SNX29: variants seen among roughly 807,000 people sequenced by gnomAD.
The protein encoded by SNX29 is sorting nexin 29.
A neutral mutation model predicts 102.1 loss-of-function variants in SNX29; 78 were observed. That is an observed-to-expected ratio of 0.76 (90% CI 0.64 to 0.92). The LOEUF (loss-of-function observed/expected upper bound fraction) is 0.92, where lower values mean the gene tolerates loss of function less well. Among genes scored for constraint, SNX29 ranks in the 40% least tolerant of loss-of-function variants. SNX29 has a pLI of 0.00. For missense variants in SNX29, 1,280 were observed against 1,061.7 expected, an observed-to-expected ratio of 1.21 and a Z score of -2.86; for synonymous variants, 580 against 414.5, an observed-to-expected ratio of 1.40 and a Z score of -4.85.
intron 17 of SNX29, among the ~76,000 whole-genome samples, chr16:12,402,443 A>G (rs2083983010): frequency 6.6e-6 from 1 of 152,230 alleles, no homozygotes; most frequent in Admixed American, 6.5e-5. Context: ...TAGCCCTGGA[A>G]CAGCTCTAAT....
In SNX29 at chr16:12,158,420, G is replaced by A. The variant is rs532570657; in HGVS notation, c.1595+28662G>A. Among the ~76,000 whole-genome samples, 35 of 152,160 alleles carry A rather than the reference G, an allele frequency of 2.3e-4. No homozygotes were observed. The South Asian group carries it at 6.6e-3, about 29-fold the overall frequency. On this transcript the variant is annotated intron_variant, in intron 13 of 20. Transcript: ENST00000566228. ...TCACCATGTTGGCCAGGCTGGTCTC[G>A]AACTCCTGACCTCAAGTGATCCACC...
chr16:12,130,664 C>T (rs926157889), intron 13 of SNX29, among the ~76,000 whole-genome samples: 1 of 151,918 alleles, frequency 6.6e-6, no homozygotes, highest in African/African-American at 2.4e-5. Flanking sequence ...TGTTACTGTT[C>T]CCAGAGATAT....
intron 14 of SNX29, among the ~76,000 whole-genome samples, chr16:12,254,130 A>G (rs2078500164): frequency 6.6e-6 from 1 of 152,146 alleles, no homozygotes; most frequent in Non-Finnish European, 1.5e-5. Flanking sequence ...GGGTACAGGC[A>G]TGTTGAGTGT....
Position 12,353,057 on chromosome 16 carries a change from C to T in SNX29, c.1783-3106C>T, listed in dbSNP as rs77583613. The stretch of plus-strand genomic sequence containing the variant: ...TAGATAGGTGACTCCCGAATGTTAA[C>T]TCTTGGAGGGGTGGGCCTTCCCTGA... On this transcript the variant is annotated intron_variant, in intron 15 of 20. Transcript: ENST00000566228. Among the ~76,000 whole-genome samples the T allele has an allele frequency of 3.4e-3, 515 of 152,252 alleles. 1 individual carries two copies. Among genetic ancestry groups the T allele is most frequent in the African/African-American group, 0.012 (503 of 41,536 alleles).
rs572170663 is a variant in SNX29 at position 12,184,319 on chromosome 16, C to G, written c.1596-15282C>G. 9.1e-4 allele frequency among the ~76,000 whole-genome samples: 138 copies of G among 152,264 alleles called. 1 individual carries two copies. Among genetic ancestry groups the G allele is most frequent in the African/African-American group, 3.1e-3 (128 of 41,550 alleles). On this transcript the variant is annotated intron_variant, in intron 13 of 20. Transcript: ENST00000566228. ...AACAAGGTTTGTATGTTAGCTTCAG[C>G]TGGATGTCATCAGATGGTCCTTGAG... is the stretch of plus-strand genomic sequence containing the variant.
rs147463575 is a variant in SNX29, at chr16:12,565,672, G to A, written c.2319-2834G>A. Among the ~76,000 whole-genome samples the A allele has an allele frequency of 2.1e-4, 32 of 152,240 alleles. No individual in the cohort carries two copies. In the East Asian group the frequency reaches 4.8e-3, roughly 23 times the overall value. On this transcript the variant is annotated intron_variant, in intron 20 of 20. Coordinates refer to ENST00000566228, the MANE Select transcript of SNX29 (RefSeq NM_032167.5). Reference sequence around the variant, plus strand: ...CTCGTGACAGCTCAGTGCACGTCCCGAGCTAACCCTGCCTTCCAGGAAGGG... The same window carrying A: ...CTCGTGACAGCTCAGTGCACGTCCCAAGCTAACCCTGCCTTCCAGGAAGGG...
At chr16:12,405,772 G>A (rs1017522034) in intron 18 of SNX29, among the ~76,000 whole-genome samples, 6 of 152,162 alleles carry the variant, frequency 3.9e-5, no homozygotes, top group East Asian at 1.9e-4. Context: ...GGTGGCTCAC[G>A]CCTGTAATCC....
intron 18 of SNX29, among the ~76,000 whole-genome samples, chr16:12,407,366 C>T (rs901830197): frequency 2.6e-5 from 4 of 151,818 alleles, no homozygotes; most frequent in Non-Finnish European, 5.9e-5. Flanking sequence ...CATTTGCCTC[C>T]TAGTTATGTC....
chr16:12,373,429 G>T lies in SNX29; in HGVS notation c.1899+17150G>T, dbSNP rs936734655. ...ACAAGTATATGAGCTGCTATGCCTG[G>T]CCCATATCCTCATCTTTAAATGGGT... On this transcript the variant is annotated intron_variant, in intron 16 of 20. Transcript: ENST00000566228. Among the ~76,000 whole-genome samples the T allele has an allele frequency of 2.0e-5, 3 of 152,148 alleles. No homozygotes were observed. The South Asian group carries it at 6.2e-4, about 32-fold the overall frequency.
chr16:12,463,971 A>G (rs1175963595), intron 18 of SNX29, among the ~76,000 whole-genome samples: 1 of 152,092 alleles, frequency 6.6e-6, no homozygotes, highest in Admixed American at 6.5e-5. Flanking sequence ...TCTAAGAGAA[A>G]GTTATAAGAT....
At chr16:12,206,808 G>T (rs1420746803) in intron 14 of SNX29, among the ~76,000 whole-genome samples, 2 of 124,050 alleles carry the variant, frequency 1.6e-5, no homozygotes, top group East Asian at 2.4e-4. Context: ...TAGTGGGAAT[G>T]AGGTGGTTTT....
chr16:12,463,227 G>A (rs985058773), intron 18 of SNX29, among the ~76,000 whole-genome samples: 38 of 152,350 alleles, frequency 2.5e-4, no homozygotes, highest in African/African-American at 8.7e-4. Context: ...TGACAGCTGG[G>A]CCTGTGCCGT....
At chr16:12,438,204 C>G (rs939365787) in intron 18 of SNX29, among the ~76,000 whole-genome samples, 1 of 152,180 alleles carries the variant, frequency 6.6e-6, no homozygotes, top group Non-Finnish European at 1.5e-5. Context: ...CATCAGGTGA[C>G]TTGAAGGCAG....
At chr16:12,467,085 G>A (rs530781917) in intron 18 of SNX29, among the ~76,000 whole-genome samples, 6 of 152,268 alleles carry the variant, frequency 3.9e-5, no homozygotes, top group South Asian at 4.1e-4. Context: ...CCATGAAGTC[G>A]GGCAGACCTG....
chr16:12,293,950 C>T (rs548297780), intron 15 of SNX29, among the ~76,000 whole-genome samples: 4 of 152,320 alleles, frequency 2.6e-5, no homozygotes, highest in East Asian at 1.9e-4. Flanking sequence ...CTCTCATCCT[C>T]GCTATACAGA....
At chr16:12,001,417 G>GTTA (rs1418140389) in intron 2 of SNX29, among the ~76,000 whole-genome samples, 1 of 151,848 alleles carries the variant, frequency 6.6e-6, no homozygotes, top group African/African-American at 2.4e-5. Context: ...CTAGCCTGCT[G>GTTA]TTATTATTAT....
chr16:12,325,165 G>C (rs2081079453), intron 15 of SNX29, among the ~76,000 whole-genome samples: 1 of 152,164 alleles, frequency 6.6e-6, no homozygotes, highest in Non-Finnish European at 1.5e-5. Context: ...CTAATGGCAA[G>C]AAAGAATAGA....
chr16:12,512,393 T>G (rs1310101635), intron 19 of SNX29, among the ~76,000 whole-genome samples: 3,776 of 80,500 alleles, frequency 0.047, 501 homozygotes, highest in African/African-American at 0.13. Context: ...TATATATATA[T>G]ATATATATAT....
intron 3 of SNX29, among the ~76,000 whole-genome samples, chr16:12,013,413 TG>T (rs368329057): frequency 3.3e-4 from 45 of 135,878 alleles, no homozygotes; most frequent in African/African-American, 1.2e-3. Flanking sequence ...GGAGGCTGAG[TG>T]GGGGACAGAT....
Sources: gnomAD v4.1 joint callset for allele counts (sites outside exome capture counted in the v4.1 genomes callset) on GRCh38, gnomAD v4.1.1 for gene constraint, MANE v1.5 for transcripts, NCBI Gene and HGNC (gene_info 2026-07-23, HGNC 2026-07-21) for gene names.